The following CCSER1 variants were observed in gnomAD, a reference collection of about 807,000 sequenced individuals.
CCSER1 encodes the protein serine-rich coiled-coil domain-containing protein 1.
A neutral mutation model predicts 82.0 loss-of-function variants in CCSER1; 41 were observed. The ratio of observed to expected loss-of-function variants is 0.50; its 90% CI spans 0.39 to 0.65. The LOEUF is 0.65. Ranked by LOEUF, CCSER1 falls within the 30% of genes least tolerant of loss-of-function variation. The pLI is 0.00. For synonymous variants in CCSER1, 414 were observed against 383.9 expected (o/e 1.08, Z -0.92); for missense variants, 1,119 against 1,064.2 (o/e 1.05, Z -0.72).
At chr4:90,300,140 A>G (rs1006391870) in intron 1 of CCSER1, among the ~76,000 whole-genome samples, 2 of 152,154 alleles carry the variant, frequency 1.3e-5, no homozygotes, top group Non-Finnish European at 2.9e-5. Flanking sequence ...TCAAGTATTG[A>G]TAATTTGTTT....
In CCSER1 at chr4:91,081,284, G is replaced by A. The variant is rs563107735; in HGVS notation, c.2173-4666G>A. Reference sequence around the variant, plus strand: ...CAAATCGATAAACGTAATCCATCATGTAAACAGAACCAAAGACAAAAACCA... The same window carrying A: ...CAAATCGATAAACGTAATCCATCATATAAACAGAACCAAAGACAAAAACCA... On this transcript the variant is annotated intron_variant, in intron 9 of 10. Coordinates refer to ENST00000509176, the MANE Select transcript of CCSER1 (RefSeq NM_001145065.2). Among the ~76,000 whole-genome samples the A allele has an allele frequency of 7.9e-5, 12 of 152,238 alleles. No homozygotes were observed. In the East Asian group the frequency reaches 2.3e-3, roughly 29 times the overall value.
At chr4:91,234,708 A>G (rs1309538253) in intron 10 of CCSER1, among the ~76,000 whole-genome samples, 2 of 152,128 alleles carry the variant, frequency 1.3e-5, no homozygotes, top group Non-Finnish European at 2.9e-5. Context: ...CACTTTGAGT[A>G]AATCTAATCT....
intron 1 of CCSER1, among the ~76,000 whole-genome samples, chr4:90,173,266 T>G (rs1040398958): frequency 6.6e-6 from 1 of 151,772 alleles, no homozygotes; most frequent in Non-Finnish European, 1.5e-5. Context: ...GGTCCACGAA[T>G]TGTTTCTGGT....
chr4:91,529,640 A>G (rs755868049), intron 10 of CCSER1, among the ~76,000 whole-genome samples: 8 of 152,088 alleles, frequency 5.3e-5, no homozygotes, highest in Non-Finnish European at 1.2e-4. Context: ...TTTTACATGT[A>G]TCTGAGACTA....
At chr4:90,132,343 C>T (rs2153316333) in intron 1 of CCSER1, among the ~76,000 whole-genome samples, 1 of 152,230 alleles carries the variant, frequency 6.6e-6, no homozygotes, top group East Asian at 1.9e-4. Context: ...AATCTGTTTG[C>T]TTTATAGTGA....
At chr4:91,299,700 T>C (rs1426006702) in intron 10 of CCSER1, among the ~76,000 whole-genome samples, 1 of 151,886 alleles carries the variant, frequency 6.6e-6, no homozygotes, top group East Asian at 1.9e-4. Context: ...ATTTTTTATA[T>C]GCATGTGCAA....
At chr4:90,932,982 GAGAAAGAA>G (rs765197842) in intron 9 of CCSER1, among the ~76,000 whole-genome samples, 878 of 18,802 alleles carry the variant, frequency 0.047, 163 homozygotes, top group Non-Finnish European at 0.05. Context: ...AAGAAAGAAA[GAGAAAGAA>G]AGAAAGAAAG....
At chr4:90,693,068 C>T (rs1052814016) in intron 6 of CCSER1, among the ~76,000 whole-genome samples, 3 of 151,828 alleles carry the variant, frequency 2.0e-5, no homozygotes, top group Non-Finnish European at 2.9e-5. Context: ...GTCACTTGTG[C>T]GGATGAGGTT....
At chr4:90,342,164 T>C (rs552902786) in intron 3 of CCSER1, among the ~76,000 whole-genome samples, 4 of 152,190 alleles carry the variant, frequency 2.6e-5, no homozygotes, top group Non-Finnish European at 5.9e-5. Context: ...AAGCGAGGGA[T>C]ATACAAAGAG....
At chr4:91,277,109 G>C (rs1006982838) in intron 10 of CCSER1, among the ~76,000 whole-genome samples, 2 of 151,978 alleles carry the variant, frequency 1.3e-5, no homozygotes, top group Non-Finnish European at 2.9e-5. Context: ...TTGGACTGTA[G>C]TTTTCTTGTT....
At chr4:90,531,928 T>C (rs1252720970) in intron 5 of CCSER1, among the ~76,000 whole-genome samples, 1 of 152,132 alleles carries the variant, frequency 6.6e-6, no homozygotes, top group Non-Finnish European at 1.5e-5. Context: ...TGCATTACAC[T>C]AGAGTCTTGG....
intron 10 of CCSER1, among the ~76,000 whole-genome samples, chr4:91,283,161 T>C (rs1743044674): frequency 2.6e-5 from 4 of 152,084 alleles, no homozygotes; most frequent in African/African-American, 9.7e-5. Flanking sequence ...AAATATATAA[T>C]TTAAATTGCA....
At chr4:91,565,694 T>C (rs1643957820) in intron 10 of CCSER1, among the ~76,000 whole-genome samples, 1 of 152,114 alleles carries the variant, frequency 6.6e-6, no homozygotes, top group Non-Finnish European at 1.5e-5. Context: ...GATATGGCTC[T>C]CAGTTTGGCT....
chr4:91,029,031 A>G (rs1740738754), intron 9 of CCSER1, among the ~76,000 whole-genome samples: 1 of 152,070 alleles, frequency 6.6e-6, no homozygotes, highest in Non-Finnish European at 1.5e-5. Flanking sequence ...TTAGTATATG[A>G]ACTAAAGCTA....
At chr4:91,416,368 A>G (rs1288896020) in intron 10 of CCSER1, among the ~76,000 whole-genome samples, 1 of 152,144 alleles carries the variant, frequency 6.6e-6, no homozygotes, top group African/African-American at 2.4e-5. Flanking sequence ...TAAAAATCAG[A>G]TGGAACCAAA....
chr4:91,590,385 C>A (rs1764206765), intron 10 of CCSER1, among the ~76,000 whole-genome samples: 1 of 152,140 alleles, frequency 6.6e-6, no homozygotes, highest in Non-Finnish European at 1.5e-5. Context: ...GCTTGCAAAG[C>A]AGTAACTACT....
At chr4:91,128,326 T>G (rs1727689639) in intron 10 of CCSER1, among the ~76,000 whole-genome samples, 1 of 152,038 alleles carries the variant, frequency 6.6e-6, no homozygotes, top group African/African-American at 2.4e-5. Context: ...TTACATTAAA[T>G]TTCATTCTCT....
At chr4:90,580,117 C>T (rs946751175) in intron 5 of CCSER1, among the ~76,000 whole-genome samples, 4 of 151,994 alleles carry the variant, frequency 2.6e-5, no homozygotes, top group Non-Finnish European at 5.9e-5. Flanking sequence ...ACAGGAGAGG[C>T]TGAGCTATAT....
chr4:91,235,791 A>T (rs1323273476), intron 10 of CCSER1, among the ~76,000 whole-genome samples: 1 of 152,178 alleles, frequency 6.6e-6, no homozygotes, highest in Non-Finnish European at 1.5e-5. Flanking sequence ...TAACTATAGA[A>T]AATAAATATA....
Sources: allele counts gnomAD v4.1 joint callset (sites outside exome capture counted in the v4.1 genomes callset), GRCh38; gene constraint gnomAD v4.1.1; transcripts MANE v1.5; gene names NCBI Gene and HGNC (gene_info 2026-07-23, HGNC 2026-07-21).